The following RFTN2 variants were observed in gnomAD, a reference collection of about 807,000 sequenced individuals.
The protein encoded by RFTN2 is raftlin-2.
In RFTN2, 34 loss-of-function variants were observed where a neutral mutation model predicts 52.7. The observed-to-expected ratio is 0.64, with a 90% CI of 0.49 to 0.86. The LOEUF (loss-of-function observed/expected upper bound fraction) is 0.86. RFTN2 is among the 40% of genes least tolerant of loss of function. The pLI is 0.00. For missense variants in RFTN2, 536 were observed against 600.1 expected (o/e 0.89, Z 1.12); for synonymous variants, 203 against 217.7 (o/e 0.93, Z 0.59).
At position 197,571,092 on chromosome 2, in the gene RFTN2, T is replaced by C. The variant is rs957987101; in HGVS notation, c.*916A>G. The C allele has an allele frequency of 6.6e-6, 1 of 152,342 alleles. No individual in the cohort carries two copies. Among genetic ancestry groups the C allele is most frequent in the Non-Finnish European group, 1.5e-5 (1 of 68,026 alleles). 9.4% of individuals were successfully genotyped at this position (152,342 alleles called of 1,614,324 possible). On this transcript the variant is annotated 3_prime_UTR_variant, in exon 9 of 9. Transcript: ENST00000295049. ...ATCGCGTGTGCTATGAGCATCTTTC[T>C]ACTCCTGCCAGATTGAAAATTCTAG...
intron 5 of RFTN2, among the ~76,000 whole-genome samples, chr2:197,625,685 TCTCCTCTC>T (rs1392947559): frequency 1.6e-5 from 2 of 127,574 alleles, no homozygotes; most frequent in Non-Finnish European, 3.4e-5. Context: ...TCTCCTCTCC[TCTCCTCTC>T]CTCTCCTCTC....
intron 8 of RFTN2, among the ~76,000 whole-genome samples, chr2:197,593,588 T>C (rs1480735994): frequency 6.6e-6 from 1 of 151,972 alleles, no homozygotes; most frequent in Non-Finnish European, 1.5e-5. Flanking sequence ...ATTTGTAGAA[T>C]GTTAAAAAGA....
intron 8 of RFTN2, among the ~76,000 whole-genome samples, chr2:197,589,488 T>A: frequency 6.6e-6 from 1 of 152,218 alleles, no homozygotes; most frequent in East Asian, 1.9e-4. Context: ...CAGCTGTGTA[T>A]GAGGGTTCTG....
intron 8 of RFTN2, among the ~76,000 whole-genome samples, chr2:197,574,575 T>C (rs1280251812): frequency 1.3e-5 from 2 of 152,140 alleles, no homozygotes; most frequent in African/African-American, 4.8e-5. Context: ...CTGAAATTAG[T>C]TAAGACTTTT....
chr2:197,636,704 C>CT (rs1341658417), intron 3 of RFTN2, among the ~76,000 whole-genome samples: 1 of 149,904 alleles, frequency 6.7e-6, no homozygotes, highest in African/African-American at 2.5e-5. Context: ...ATTTGACTTC[C>CT]TTTTTTCCTA....
intron 7 of RFTN2, among the ~76,000 whole-genome samples, chr2:197,607,607 T>C (rs2087984058): frequency 6.6e-6 from 1 of 152,116 alleles, no homozygotes; most frequent in Non-Finnish European, 1.5e-5. Context: ...ATTAATTAAT[T>C]GTCGTGGCTT....
rs538090202 is a variant in RFTN2, at chr2:197,577,348, G to A, written c.1234-5068C>T. ...CCTTTCTCAACAATGGCCCACCTTC[G>A]TGGCCCCAAGTTAGACACAGTTTGG... On this transcript the variant is annotated intron_variant, in intron 8 of 8. Coordinates refer to ENST00000295049, the MANE Select transcript of RFTN2 (RefSeq NM_144629.3). Among the ~76,000 whole-genome samples, 7 of 152,324 alleles carry A rather than the reference G, an allele frequency of 4.6e-5. No individual in the cohort carries two copies. In the South Asian group the frequency reaches 8.3e-4, roughly 18 times the overall value.
In RFTN2 at chr2:197,571,616, G is replaced by A. The variant is rs180887985; in HGVS notation, c.*392C>T. 5.1e-3 allele frequency: 910 copies of A among 178,806 alleles called. 9 individuals carry two copies. The highest frequency in any genetic ancestry group is 0.02 in the African/African-American group (824 of 42,084). The allele number at this position is 178,806 out of a possible 1,614,324, so 11.1% of individuals were successfully genotyped here. On this transcript the variant is annotated 3_prime_UTR_variant, in exon 9 of 9. Coordinates refer to ENST00000295049, the MANE Select transcript of RFTN2 (RefSeq NM_144629.3). Reference sequence around the variant, plus strand: ...AAAGAGAGAGAGAGGTTATTTTTCAGCTTAAATAAGACTGTAACTTCCTGA... The same window carrying A: ...AAAGAGAGAGAGAGGTTATTTTTCAACTTAAATAAGACTGTAACTTCCTGA...
chr2:197,617,799 C>T lies in RFTN2; in HGVS notation c.1050+1G>A. 8 of 1,543,454 alleles carry T rather than the reference C, an allele frequency of 5.2e-6. No homozygotes were observed. The highest frequency in any genetic ancestry group is 7.0e-6 in the Non-Finnish European group (8 of 1,139,996). ...TAAATTGTCAGAAAACTGCAGCTCA[C>T]CTCAATAACAGTCCATTGTTCTACT... is the stretch of plus-strand genomic sequence containing the variant. On this transcript the variant is annotated splice_donor_variant, in intron 6 of 8. Coordinates refer to ENST00000295049, the MANE Select transcript of RFTN2 (RefSeq NM_144629.3). LOFTEE classifies it high-confidence loss of function.
chr2:197,674,923 A>T (rs896050998), intron 1 of RFTN2, among the ~76,000 whole-genome samples: 1 of 152,146 alleles, frequency 6.6e-6, no homozygotes, highest in East Asian at 1.9e-4. Context: ...CTCTTCCACG[A>T]TATGATGCAA....
intron 3 of RFTN2, among the ~76,000 whole-genome samples, chr2:197,641,317 G>A (rs1258695802): frequency 1.3e-5 from 2 of 152,184 alleles, no homozygotes; most frequent in Non-Finnish European, 2.9e-5. Flanking sequence ...TGGAGCTGGT[G>A]AAACAGCATT....
At chr2:197,578,599 C>A (rs922675393) in intron 8 of RFTN2, among the ~76,000 whole-genome samples, 1 of 152,170 alleles carries the variant, frequency 6.6e-6, no homozygotes, top group Admixed American at 6.5e-5. Flanking sequence ...CGCCAGAGAA[C>A]AACCCCCTTT....
At chr2:197,639,465 C>T (rs1337524265) in intron 3 of RFTN2, among the ~76,000 whole-genome samples, 1 of 149,056 alleles carries the variant, frequency 6.7e-6, no homozygotes, top group Non-Finnish European at 1.5e-5. Flanking sequence ...CTCTAAACTT[C>T]CCTTCTCACT....
In RFTN2 at chr2:197,617,826, C is replaced by T. The variant is rs1559351037; in HGVS notation, c.1024G>A (p.Val342Ile). The T allele has an allele frequency of 5.6e-6, 9 of 1,605,894 alleles. No individual in the cohort carries two copies. The highest frequency in any genetic ancestry group is 4.5e-5 in the East Asian group (2 of 44,524). ...GSSRKGNDAIVVEQWTVIEGC... is the reference protein window; with the variant it reads ...GSSRKGNDAIIVEQWTVIEGC... ...TCAATAACAGTCCATTGTTCTACTA[C>T]GATGGCATCATTTCCTTTCCTACTA... Residue 342 changes from valine to isoleucine, a missense_variant, in exon 6 of 9, where the codon GTA becomes ATA. Coordinates refer to ENST00000295049, the MANE Select transcript of RFTN2 (RefSeq NM_144629.3).
At chr2:197,597,514 T>TTTTC (rs563474519) in intron 7 of RFTN2, among the ~76,000 whole-genome samples, 1 of 152,098 alleles carries the variant, frequency 6.6e-6, no homozygotes, top group South Asian at 2.1e-4. Context: ...TGTGTTTTCT[T>TTTTC]TTTCTTTCTT....
intron 8 of RFTN2, among the ~76,000 whole-genome samples, chr2:197,584,009 C>G (rs2087554176): frequency 6.6e-6 from 1 of 152,104 alleles, no homozygotes; most frequent in Non-Finnish European, 1.5e-5. Context: ...GCCACATTTT[C>G]TTAATCCAGT....
At chr2:197,640,623 C>T (rs1412055601) in intron 3 of RFTN2, among the ~76,000 whole-genome samples, 10 of 152,202 alleles carry the variant, frequency 6.6e-5, no homozygotes, top group African/African-American at 2.4e-4. Context: ...CACTGACCTG[C>T]GCCCACTGTC....
At chr2:197,573,162 T>C (rs1183020988) in intron 8 of RFTN2, among the ~76,000 whole-genome samples, 2 of 151,738 alleles carry the variant, frequency 1.3e-5, no homozygotes, top group Non-Finnish European at 2.9e-5. Context: ...TGGAACTGGG[T>C]AGCATGCAGA....
intron 8 of RFTN2, among the ~76,000 whole-genome samples, chr2:197,586,249 A>G (rs1357209938): frequency 6.6e-6 from 1 of 152,150 alleles, no homozygotes; most frequent in African/African-American, 2.4e-5. Flanking sequence ...AATAACAGTG[A>G]AAAGTTGTTT....
Sources: gnomAD v4.1 joint callset for allele counts (sites outside exome capture counted in the v4.1 genomes callset) on GRCh38, gnomAD v4.1.1 for gene constraint, MANE v1.5 for transcripts, NCBI Gene and HGNC (gene_info 2026-07-23, HGNC 2026-07-21) for gene names.